TRIM9: variants seen among roughly 807,000 people sequenced by gnomAD.
The protein encoded by TRIM9 is tripartite motif containing 9, also known as E3 ubiquitin-protein ligase TRIM9.
Under a neutral mutation model 78.3 loss-of-function variants are expected in TRIM9, and 26 were observed. The observed-to-expected ratio is 0.33, with a 90% CI of 0.24 to 0.46. TRIM9 has a LOEUF of 0.46. Among genes scored for constraint, TRIM9 ranks in the 20% least tolerant of loss-of-function variants. The pLI, the probability that TRIM9 is intolerant of heterozygous loss-of-function variation, is 1.00. For synonymous variants in TRIM9, 398 were observed against 416.5 expected (o/e 0.96, Z 0.54); for missense variants, 787 against 1,036.4 (o/e 0.76, Z 3.30).
rs770265804 is a variant in TRIM9, at chr14:51,094,633, G to T, written c.307C>A (p.Pro103Thr). 3 of 1,606,890 alleles carry T rather than the reference G, an allele frequency of 1.9e-6. No homozygotes were observed. Among genetic ancestry groups the T allele is most frequent in the Non-Finnish European group, 2.6e-6 (3 of 1,175,664 alleles). ...GTGGCCGGTGGCGGCATAGCCGGGG[G>T]AAACACGCGGACGCCGTTGGGGGAC... ...QKSPNGVRVF[P>T]PAMPPPATHL... The change falls in exon 1 of 13, where the codon CCC (proline) becomes ACC (threonine). Residue 103 changes from proline (P) to threonine (T), a missense_variant. Pro to Thr is a conservative substitution (Grantham distance 38). Around this residue, in one of 3 missense-constraint regions of TRIM9, gnomAD observed 352 missense variants for 472.3 expected, o/e 0.75. Coordinates refer to ENST00000684578, the MANE Select transcript of TRIM9 (RefSeq NM_001387360.1).
At chr14:51,074,801 C>T (rs545411427) in intron 1 of TRIM9, among the ~76,000 whole-genome samples, 1 of 152,348 alleles carries the variant, frequency 6.6e-6, no homozygotes, top group South Asian at 2.1e-4. Flanking sequence ...TGCTTTTCTA[C>T]TTCCCTCTTA....
intron 1 of TRIM9, among the ~76,000 whole-genome samples, chr14:51,060,386 C>A (rs978862964): frequency 1.3e-5 from 2 of 152,156 alleles, no homozygotes; most frequent in Admixed American, 6.5e-5. Flanking sequence ...TTTATACAAC[C>A]ACACAGTATG....
At chr14:51,011,538 A>T (rs2056582330) in intron 3 of TRIM9, among the ~76,000 whole-genome samples, 1 of 152,118 alleles carries the variant, frequency 6.6e-6, no homozygotes, top group Non-Finnish European at 1.5e-5. Context: ...ATAACTACTC[A>T]CATCCCCAAT....
intron 1 of TRIM9, among the ~76,000 whole-genome samples, chr14:51,075,354 TG>T (rs1465319958): frequency 1.3e-5 from 2 of 152,252 alleles, no homozygotes; most frequent in Non-Finnish European, 2.9e-5. Flanking sequence ...TCTTGTTTAT[TG>T]TTTTTTTCTT....
intron 12 of TRIM9, chr14:50,979,049 C>G (rs2051447280): frequency 1.5e-6 from 2 of 1,308,768 alleles, no homozygotes; most frequent in Non-Finnish European, 1.9e-6. Flanking sequence ...TTTGTTAAGT[C>G]ATTCTATTTG....
At chr14:50,998,472 AT>A (rs1331693008) in intron 6 of TRIM9, among the ~76,000 whole-genome samples, 1 of 152,230 alleles carries the variant, frequency 6.6e-6, no homozygotes, top group African/African-American at 2.4e-5. Context: ...AGGCAGCCTA[AT>A]GAATGGTAGT....
At position 50,998,168 on chromosome 14, in the gene TRIM9, C is replaced by T. The variant is rs1270527726; in HGVS notation, c.1485G>A (p.Glu495=). ...GQFREVYVGK[E]TMCTVDGLHF... is the part of the protein sequence containing the mutation. The stretch of plus-strand genomic sequence containing the variant: ...GAAGACCATCCACAGTGCACATTGT[C>T]TCCTTCCCCACATACACCTCCTGAG... Residue 495 remains glutamate, a synonymous_variant, in exon 7 of 13, where the codon GAG becomes GAA. Transcript: ENST00000684578. 1 of 1,614,044 alleles carries T rather than the reference C, an allele frequency of 6.2e-7. No homozygotes were observed. The highest frequency in any genetic ancestry group is 8.5e-7 in the Non-Finnish European group (1 of 1,180,030).
chr14:51,084,668 A>G (rs1240957979), intron 1 of TRIM9, among the ~76,000 whole-genome samples: 1 of 152,232 alleles, frequency 6.6e-6, no homozygotes, highest in Non-Finnish European at 1.5e-5. Flanking sequence ...GGATAACATT[A>G]TTCCAAGATA....
chr14:51,045,344 A>C (rs2059872225), intron 1 of TRIM9, among the ~76,000 whole-genome samples: 1 of 152,254 alleles, frequency 6.6e-6, no homozygotes, highest in Non-Finnish European at 1.5e-5. Context: ...ACTCAGACAC[A>C]TAAAACAATC....
At chr14:51,060,627 C>T (rs974150316) in intron 1 of TRIM9, among the ~76,000 whole-genome samples, 4 of 152,134 alleles carry the variant, frequency 2.6e-5, no homozygotes, top group East Asian at 1.9e-4. Context: ...CCACCACGCC[C>T]GGCTAATTTT....
chr14:51,016,778 G>A (rs1436633545), intron 3 of TRIM9, among the ~76,000 whole-genome samples: 1 of 152,060 alleles, frequency 6.6e-6, no homozygotes, highest in East Asian at 1.9e-4. Context: ...AGAGGCTGGG[G>A]ACCAGTGGTT....
intron 1 of TRIM9, among the ~76,000 whole-genome samples, chr14:51,077,187 A>G (rs2062857715): frequency 6.6e-6 from 1 of 152,172 alleles, no homozygotes; most frequent in Non-Finnish European, 1.5e-5. Context: ...CAGTTGGCCA[A>G]CAAGCACTGA....
intron 3 of TRIM9, among the ~76,000 whole-genome samples, 178 bp from the exon 4 acceptor site, chr14:51,010,672 G>A (rs2056457166): frequency 6.6e-6 from 1 of 152,100 alleles, no homozygotes; most frequent in Non-Finnish European, 1.5e-5. Context: ...GAAGACAGAT[G>A]GGATAAGATT....
At chr14:51,044,892 G>GT (rs1487842144) in intron 1 of TRIM9, among the ~76,000 whole-genome samples, 5 of 151,910 alleles carry the variant, frequency 3.3e-5, no homozygotes, top group African/African-American at 1.2e-4. Flanking sequence ...TTTTTGTTTT[G>GT]TTTTTTTCTT....
intron 1 of TRIM9, among the ~76,000 whole-genome samples, chr14:51,071,141 C>T (rs2062195168): frequency 6.6e-6 from 1 of 151,928 alleles, no homozygotes; most frequent in Non-Finnish European, 1.5e-5. Flanking sequence ...CACTTTGAGG[C>T]CAGGGTGGGC....
chr14:51,020,274 G>A (rs1433672385), intron 3 of TRIM9, among the ~76,000 whole-genome samples: 3 of 152,216 alleles, frequency 2.0e-5, no homozygotes, highest in Admixed American at 6.5e-5. Flanking sequence ...GGGGAGAGGA[G>A]AGCGAGCGAG....
At chr14:51,089,066 C>T (rs1315548363) in intron 1 of TRIM9, 1 of 151,520 alleles carries the variant, frequency 6.6e-6, no homozygotes, top group Non-Finnish European at 1.5e-5. Flanking sequence ...CACTGAGATT[C>T]GAAGATTTGT....
chr14:51,029,666 A>G (rs1418963368), intron 1 of TRIM9, among the ~76,000 whole-genome samples: 1 of 152,218 alleles, frequency 6.6e-6, no homozygotes, highest in Non-Finnish European at 1.5e-5. Context: ...AGAAATTCTA[A>G]TAATTGTAAT....
intron 1 of TRIM9, among the ~76,000 whole-genome samples, chr14:51,043,120 G>A (rs1408072867): frequency 6.6e-6 from 1 of 152,110 alleles, no homozygotes; most frequent in Non-Finnish European, 1.5e-5. Context: ...TGTGACAATT[G>A]TCTTCCCAAA....
Sources: allele counts gnomAD v4.1 joint callset (sites outside exome capture counted in the v4.1 genomes callset), GRCh38; gene constraint gnomAD v4.1.1; regional missense constraint gnomAD v4.1.1; transcripts MANE v1.5; gene names NCBI Gene and HGNC (gene_info 2026-07-23, HGNC 2026-07-21).